The following OPCML variants were observed in gnomAD, a reference collection of about 807,000 sequenced individuals.
OPCML encodes opioid binding protein/cell adhesion molecule like.
Under a neutral mutation model 37.8 loss-of-function variants are expected in OPCML, and 13 were observed. That is an observed-to-expected ratio of 0.34 (90% CI 0.22 to 0.55). The LOEUF is 0.55. Among genes scored for constraint, OPCML ranks in the 20% least tolerant of loss-of-function variants. The probability of loss-of-function intolerance (pLI) is 0.91; values close to 1 mark genes in which losing one functional copy is unlikely to be tolerated. For synonymous variants in OPCML, 176 were observed against 168.8 expected (o/e 1.04, Z -0.33); for missense variants, 341 against 435.6 (o/e 0.78, Z 1.93).
intron 3 of OPCML, among the ~76,000 whole-genome samples, chr11:132,584,570 G>A (rs1233452263): frequency 1.3e-5 from 2 of 152,068 alleles, no homozygotes; most frequent in Non-Finnish European, 2.9e-5. Flanking sequence ...TAGTTAACTG[G>A]ATTCTGTTTA....
chr11:133,226,837 G>A, intron 1 of OPCML, among the ~76,000 whole-genome samples: 1 of 152,102 alleles, frequency 6.6e-6, no homozygotes, highest in East Asian at 1.9e-4. Flanking sequence ...AACCAGCGCA[G>A]TTTAACAACA....
chr11:132,536,573 T>A (rs541966755), intron 3 of OPCML, among the ~76,000 whole-genome samples: 7 of 152,212 alleles, frequency 4.6e-5, no homozygotes, highest in Non-Finnish European at 1.0e-4. Flanking sequence ...AGAGACCATG[T>A]GAAAGCTAAT....
chr11:132,581,141 T>C (rs1363873627), intron 3 of OPCML, among the ~76,000 whole-genome samples: 1 of 152,160 alleles, frequency 6.6e-6, no homozygotes, highest in East Asian at 1.9e-4. Flanking sequence ...CCAATTCAGG[T>C]AAATGCTGTT....
At chr11:132,589,024 C>T (rs565596254) in intron 3 of OPCML, among the ~76,000 whole-genome samples, 9 of 152,258 alleles carry the variant, frequency 5.9e-5, no homozygotes, top group South Asian at 4.1e-4. Context: ...TTTATTAGCA[C>T]GATATAGCCT....
intron 1 of OPCML, among the ~76,000 whole-genome samples, chr11:133,155,056 G>A (rs928002761): frequency 6.6e-6 from 1 of 152,106 alleles, no homozygotes; most frequent in African/African-American, 2.4e-5. Context: ...TGTACTTGAG[G>A]GGAAATTCAC....
chr11:132,544,692 C>A (rs1181871896), intron 3 of OPCML, among the ~76,000 whole-genome samples: 4 of 152,142 alleles, frequency 2.6e-5, no homozygotes, highest in Non-Finnish European at 5.9e-5. Flanking sequence ...GTGCTTTCAA[C>A]TACAAAAGAA....
At chr11:132,677,070 G>T (rs1474659835) in intron 2 of OPCML, among the ~76,000 whole-genome samples, 1 of 152,034 alleles carries the variant, frequency 6.6e-6, no homozygotes, top group East Asian at 1.9e-4. Context: ...TACAAAGTTA[G>T]TATATAAAAG....
chr11:133,122,633 C>A (rs151282561), intron 1 of OPCML, among the ~76,000 whole-genome samples: 2 of 152,214 alleles, frequency 1.3e-5, no homozygotes, highest in Admixed American at 1.3e-4. Context: ...CACCTGGGCA[C>A]CTTTTTGTCA....
At chr11:132,918,946 C>T (rs1382702937) in intron 2 of OPCML, among the ~76,000 whole-genome samples, 1 of 152,142 alleles carries the variant, frequency 6.6e-6, no homozygotes, top group African/African-American at 2.4e-5. Flanking sequence ...TGGAAAAATT[C>T]AGGCCGAATT....
In OPCML at chr11:132,452,497, A is replaced by ACTTCCTTCCTTCCTTCCTTC. The variant is rs575180796; in HGVS notation, c.506-15158_506-15139dup. 4.9e-3 allele frequency among the ~76,000 whole-genome samples: 479 copies of ACTTCCTTCCTTCCTTCCTTC among 96,814 alleles called. 3 individuals are homozygous for ACTTCCTTCCTTCCTTCCTTC. The highest frequency in any genetic ancestry group is 0.025 in the Middle Eastern group (5 of 202). 63.5% of individuals were successfully genotyped at this position (96,814 alleles called of 152,430 possible). ...CCTGCCCTCCCTCCCTCCCTTCCTC[A>ACTTCCTTCCTTCCTTCCTTC]CTTCCTTCCTTCCTTCCTTCCTTCC... On this transcript the variant is annotated intron_variant, in intron 4 of 7. Coordinates refer to ENST00000524381, the MANE Select transcript of OPCML (RefSeq NM_001012393.5).
At chr11:132,484,890 G>A (rs1156299300) in intron 4 of OPCML, among the ~76,000 whole-genome samples, 3 of 152,178 alleles carry the variant, frequency 2.0e-5, no homozygotes, top group South Asian at 2.1e-4. Flanking sequence ...GACACAGGAA[G>A]GGGAACATCA....
At chr11:132,836,524 G>A (rs1941010431) in intron 2 of OPCML, among the ~76,000 whole-genome samples, 1 of 152,174 alleles carries the variant, frequency 6.6e-6, no homozygotes, top group African/African-American at 2.4e-5. Flanking sequence ...GGAACCGCTG[G>A]TGTTACTTCA....
At chr11:132,554,957 G>A (rs868236953) in intron 3 of OPCML, among the ~76,000 whole-genome samples, 2 of 140,968 alleles carry the variant, frequency 1.4e-5, no homozygotes, top group East Asian at 4.5e-4. Flanking sequence ...TCTGTTTGGG[G>A]CATTTTCTCT....
intron 2 of OPCML, among the ~76,000 whole-genome samples, chr11:132,786,707 A>T (rs1364040836): frequency 6.6e-6 from 1 of 152,196 alleles, no homozygotes; most frequent in Non-Finnish European, 1.5e-5. Context: ...TTAAAAAAAA[A>T]ATCTAGTCAC....
intron 1 of OPCML, among the ~76,000 whole-genome samples, chr11:133,349,160 C>G (rs985628274): frequency 2.0e-5 from 3 of 152,178 alleles, no homozygotes; most frequent in Non-Finnish European, 2.9e-5. Context: ...GGGAGGATAA[C>G]AGAACAAGGT....
intron 1 of OPCML, among the ~76,000 whole-genome samples, chr11:133,209,995 G>T (rs750686402): frequency 1.3e-5 from 2 of 152,196 alleles, no homozygotes; most frequent in African/African-American, 2.4e-5. Flanking sequence ...CCAGGAGCAG[G>T]TAGGTGCCTT....
intron 3 of OPCML, among the ~76,000 whole-genome samples, chr11:132,561,963 CA>C (rs1306729415): frequency 6.6e-6 from 1 of 152,162 alleles, no homozygotes; most frequent in Non-Finnish European, 1.5e-5. Flanking sequence ...AGGAGAGTTA[CA>C]AAAGAGCCAT....
intron 1 of OPCML, among the ~76,000 whole-genome samples, chr11:133,169,030 T>G (rs1479948136): frequency 6.6e-6 from 1 of 152,070 alleles, no homozygotes; most frequent in Non-Finnish European, 1.5e-5. Context: ...CTTGGGAGGT[T>G]GAGGCAGGAT....
At chr11:133,406,491 G>C (rs1945529940) in intron 1 of OPCML, among the ~76,000 whole-genome samples, 1 of 152,176 alleles carries the variant, frequency 6.6e-6, no homozygotes, top group Non-Finnish European at 1.5e-5. Flanking sequence ...GTGGCAAAAA[G>C]TCTGTTCAAG....
Sources: allele counts gnomAD v4.1 joint callset (sites outside exome capture counted in the v4.1 genomes callset), GRCh38; gene constraint gnomAD v4.1.1; transcripts MANE v1.5; gene names NCBI Gene and HGNC (gene_info 2026-07-23, HGNC 2026-07-21).